Variants in PITPNC1 observed in about 807,000 individuals in gnomAD.
PITPNC1 encodes the protein phosphatidylinositol transfer protein cytoplasmic 1.
In PITPNC1, 18 loss-of-function variants were observed where a neutral mutation model predicts 44.7. The ratio of observed to expected loss-of-function variants is 0.40; its 90% CI spans 0.28 to 0.60. The LOEUF is 0.60. PITPNC1 is among the 20% of genes least tolerant of loss of function. The probability of loss-of-function intolerance (pLI) is 0.39; values close to 1 mark genes in which losing one functional copy is unlikely to be tolerated. For missense variants in PITPNC1, 290 were observed against 418.4 expected (o/e 0.69, Z 2.68); for synonymous variants, 141 against 149.6 (o/e 0.94, Z 0.42).
At chr17:67,462,084 C>T (rs1185770894) in intron 1 of PITPNC1, among the ~76,000 whole-genome samples, 1 of 151,900 alleles carries the variant, frequency 6.6e-6, no homozygotes, top group Non-Finnish European at 1.5e-5. Flanking sequence ...GAAAGCAGTG[C>T]TGTTGGTGGT....
chr17:67,532,343 G>A (rs555928964), intron 1 of PITPNC1, among the ~76,000 whole-genome samples: 1 of 152,316 alleles, frequency 6.6e-6, no homozygotes, highest in South Asian at 2.1e-4. Flanking sequence ...CATTTTGAGA[G>A]AGGGAGGATA....
intron 1 of PITPNC1, among the ~76,000 whole-genome samples, chr17:67,452,288 G>A (rs2039191269): frequency 6.6e-6 from 1 of 152,050 alleles, no homozygotes; most frequent in Admixed American, 6.5e-5. Context: ...TGGGACTACA[G>A]GCGGGAGCCA....
intron 1 of PITPNC1, among the ~76,000 whole-genome samples, chr17:67,465,795 C>T (rs999628868): frequency 2.6e-5 from 4 of 152,014 alleles, no homozygotes; most frequent in African/African-American, 7.2e-5. Context: ...CCCAAAACTT[C>T]GTGGAAGCTT....
intron 6 of PITPNC1, among the ~76,000 whole-genome samples, chr17:67,668,906 C>A (rs757266179): frequency 1.3e-5 from 2 of 152,120 alleles, no homozygotes; most frequent in Non-Finnish European, 2.9e-5. Context: ...AAAATTGAGA[C>A]ACAATATAAT....
chr17:67,455,681 A>T (rs746017317), intron 1 of PITPNC1, among the ~76,000 whole-genome samples: 18 of 151,816 alleles, frequency 1.2e-4, no homozygotes, highest in Non-Finnish European at 4.4e-5. Flanking sequence ...ACCTCAAGTG[A>T]TCCACCTGCC....
chr17:67,528,098 G>A (rs978726269), intron 1 of PITPNC1, among the ~76,000 whole-genome samples: 1 of 152,188 alleles, frequency 6.6e-6, no homozygotes, highest in African/African-American at 2.4e-5. Flanking sequence ...CTGGAGTGCA[G>A]TGGCGTGATG....
chr17:67,426,029 T>C (rs2038760269), intron 1 of PITPNC1, among the ~76,000 whole-genome samples: 1 of 152,202 alleles, frequency 6.6e-6, no homozygotes, highest in Non-Finnish European at 1.5e-5. Context: ...TGCTGATCAC[T>C]TCATAGACCA....
chr17:67,461,073 T>G (rs2039330989), intron 1 of PITPNC1, among the ~76,000 whole-genome samples: 1 of 152,082 alleles, frequency 6.6e-6, no homozygotes, highest in Non-Finnish European at 1.5e-5. Context: ...ACAGCTGTGT[T>G]GCACTCTGAG....
At chr17:67,622,695 G>A (rs1338208609) in intron 5 of PITPNC1, among the ~76,000 whole-genome samples, 1 of 151,768 alleles carries the variant, frequency 6.6e-6, no homozygotes, top group Non-Finnish European at 1.5e-5. Flanking sequence ...GGCCAACATG[G>A]TGAAACCCCA....
intron 1 of PITPNC1, chr17:67,524,765 T>C (rs1379085214): frequency 4.5e-4 from 1 of 2,220 alleles, no homozygotes; most frequent in Non-Finnish European, 7.6e-4. Flanking sequence ...TTTTTTTTTT[T>C]TTTTTTTTTT....
At chr17:67,548,096 G>A (rs182525090) in intron 2 of PITPNC1, among the ~76,000 whole-genome samples, 2 of 152,116 alleles carry the variant, frequency 1.3e-5, no homozygotes, top group African/African-American at 2.4e-5. Flanking sequence ...ACATTGCCAG[G>A]TGTCTCCTGC....
chr17:67,674,047 A>G (rs2042560017), intron 7 of PITPNC1, among the ~76,000 whole-genome samples: 1 of 151,420 alleles, frequency 6.6e-6, no homozygotes, highest in Non-Finnish European at 1.5e-5. Flanking sequence ...GTGGGTACAT[A>G]GTAGGTGTAA....
chr17:67,422,156 A>G (rs576553524), intron 1 of PITPNC1, among the ~76,000 whole-genome samples: 53 of 152,330 alleles, frequency 3.5e-4, no homozygotes, highest in African/African-American at 1.2e-3. Flanking sequence ...TACGCTTCCA[A>G]TGACTAAAAG....
intron 4 of PITPNC1, among the ~76,000 whole-genome samples, chr17:67,558,626 G>C (rs1568039897): frequency 6.6e-6 from 1 of 152,092 alleles, no homozygotes; most frequent in Non-Finnish European, 1.5e-5. Context: ...AATACAGTTG[G>C]CGTATATATT....
At chr17:67,493,560 G>C (rs1280430127) in intron 1 of PITPNC1, among the ~76,000 whole-genome samples, 1 of 152,208 alleles carries the variant, frequency 6.6e-6, no homozygotes, top group Non-Finnish European at 1.5e-5. Context: ...TGGTACAGCG[G>C]ATAAGACTAG....
At chr17:67,672,990 G>A (rs1197295647) in intron 7 of PITPNC1, among the ~76,000 whole-genome samples, 1 of 152,148 alleles carries the variant, frequency 6.6e-6, no homozygotes. Flanking sequence ...TGTGCTTCGT[G>A]TAATAGGGTA....
At chr17:67,583,677 G>GT (rs1239138530) in intron 5 of PITPNC1, among the ~76,000 whole-genome samples, 2 of 150,672 alleles carry the variant, frequency 1.3e-5, no homozygotes, top group Non-Finnish European at 3.0e-5. Context: ...TTGGTCTGAG[G>GT]TGGGGTTGAG....
chr17:67,586,647 C>T (rs1028331272), intron 5 of PITPNC1, among the ~76,000 whole-genome samples: 1 of 152,032 alleles, frequency 6.6e-6, no homozygotes, highest in African/African-American at 2.4e-5. Flanking sequence ...ACAGGGTTCT[C>T]AAATACCCTC....
At chr17:67,512,500 CAAAAAAAAAAAA>C (rs1006177232) in intron 1 of PITPNC1, among the ~76,000 whole-genome samples, 1 of 59,692 alleles carries the variant, frequency 1.7e-5, no homozygotes, top group Non-Finnish European at 3.4e-5. Context: ...GACTGTGTCT[CAAAAAAAAAAAA>C]AAAAAAAAAA....
Sources: allele counts gnomAD v4.1 joint callset (sites outside exome capture counted in the v4.1 genomes callset), GRCh38; gene constraint gnomAD v4.1.1; transcripts MANE v1.5; gene names NCBI Gene and HGNC (gene_info 2026-07-23, HGNC 2026-07-21).